The following PTGER3 variants were observed in gnomAD, a reference collection of about 807,000 sequenced individuals.
The protein encoded by PTGER3 is prostaglandin E receptor 3, also known as prostaglandin E2 receptor EP3 subtype.
In PTGER3, 22 loss-of-function variants were observed where a neutral mutation model predicts 34.7. That is an observed-to-expected ratio of 0.63 (90% confidence interval 0.45 to 0.91). PTGER3 has a LOEUF of 0.91. Ranked by LOEUF, PTGER3 falls within the 40% of genes least tolerant of loss-of-function variation. The pLI is 0.00. For missense variants in PTGER3, 468 were observed against 519.4 expected, an observed-to-expected ratio of 0.90 and a Z score of 0.96; for synonymous variants, 241 against 230.1, an observed-to-expected ratio of 1.05 and a Z score of -0.43.
intron 4 of PTGER3, among the ~76,000 whole-genome samples, chr1:70,859,205 A>C (rs1291634240): frequency 6.6e-6 from 1 of 152,248 alleles, no homozygotes; most frequent in Admixed American, 6.5e-5. Context: ...TTACTTCCAT[A>C]AATTATTCCT....
chr1:71,024,829 C>T (rs1035646036), intron 1 of PTGER3, among the ~76,000 whole-genome samples: 1 of 151,064 alleles, frequency 6.6e-6, no homozygotes, highest in Non-Finnish European at 1.5e-5. Context: ...TGCTGGGATT[C>T]CAGTCATGAG....
intron 4 of PTGER3, among the ~76,000 whole-genome samples, chr1:70,942,595 A>G (rs539135071): frequency 6.6e-6 from 1 of 152,112 alleles, no homozygotes; most frequent in Non-Finnish European, 1.5e-5. Flanking sequence ...TGGGTCAAGC[A>G]ACACTACTCT....
At chr1:71,041,776 T>G (rs1472884914) in intron 1 of PTGER3, among the ~76,000 whole-genome samples, 1 of 152,034 alleles carries the variant, frequency 6.6e-6, no homozygotes, top group Non-Finnish European at 1.5e-5. Context: ...GAGGCATGAA[T>G]GAGATAAATG....
chr1:70,878,362 T>G (rs1190614053), intron 4 of PTGER3, among the ~76,000 whole-genome samples: 2 of 151,994 alleles, frequency 1.3e-5, no homozygotes. Flanking sequence ...TCTTCTTTCC[T>G]TTTTTCTTTA....
intron 1 of PTGER3, among the ~76,000 whole-genome samples, chr1:71,017,951 G>A (rs560377927): frequency 2.0e-5 from 3 of 152,290 alleles, no homozygotes; most frequent in South Asian, 2.1e-4. Context: ...TTTTAGTAGA[G>A]ATGGGGTTTC....
intron 2 of PTGER3, among the ~76,000 whole-genome samples, chr1:70,963,301 G>A (rs1053019590): frequency 6.6e-5 from 10 of 152,054 alleles, no homozygotes; most frequent in Non-Finnish European, 1.2e-4. Flanking sequence ...CCACATTCTG[G>A]GGTCTGCAGG....
chr1:71,027,980 G>A (rs1406843300), intron 1 of PTGER3, among the ~76,000 whole-genome samples: 1 of 152,120 alleles, frequency 6.6e-6, no homozygotes, highest in African/African-American at 2.4e-5. Flanking sequence ...ATAGATGAAA[G>A]TTTAGTGCTT....
intron 3 of PTGER3, among the ~76,000 whole-genome samples, chr1:70,973,466 C>T (rs915857988): frequency 2.6e-5 from 4 of 152,060 alleles, no homozygotes; most frequent in African/African-American, 9.7e-5. Flanking sequence ...GAAAAATTCT[C>T]TCAGTTCCCT....
At chr1:71,026,795 C>T (rs1658964019) in intron 1 of PTGER3, among the ~76,000 whole-genome samples, 1 of 151,982 alleles carries the variant, frequency 6.6e-6, no homozygotes, top group Non-Finnish European at 1.5e-5. Flanking sequence ...AAATGGACCC[C>T]CATCTTTTAT....
intron 2 of PTGER3, among the ~76,000 whole-genome samples, chr1:70,996,812 C>A (rs912404110): frequency 1.3e-5 from 2 of 152,038 alleles, no homozygotes; most frequent in Non-Finnish European, 2.9e-5. Context: ...TACAGGCGCC[C>A]GCCACCGCGC....
At chr1:70,971,762 T>A in intron 3 of PTGER3, 29 bp from the exon 4 acceptor site, 1 of 1,437,932 alleles carries the variant, frequency 7.0e-7, no homozygotes, top group Admixed American at 1.9e-5. Context: ...AAAGATGCAA[T>A]AAGCATGGAT....
At chr1:71,034,729 G>T (rs1413429062) in intron 1 of PTGER3, among the ~76,000 whole-genome samples, 1 of 152,180 alleles carries the variant, frequency 6.6e-6, no homozygotes, top group African/African-American at 2.4e-5. Context: ...CTAATACAAA[G>T]AACAGCTCAA....
chr1:71,045,908 G>A (rs1660736074), intron 1 of PTGER3, among the ~76,000 whole-genome samples: 1 of 151,852 alleles, frequency 6.6e-6, no homozygotes, highest in Admixed American at 6.6e-5. Flanking sequence ...CCCATAGGTC[G>A]CGCAGTCTTT....
At chr1:70,988,479 G>A (rs978091285) in intron 2 of PTGER3, among the ~76,000 whole-genome samples, 1 of 152,156 alleles carries the variant, frequency 6.6e-6, no homozygotes, top group Admixed American at 6.5e-5. Flanking sequence ...GAGCAGAAGT[G>A]ATGAGACTTC....
intron 4 of PTGER3, among the ~76,000 whole-genome samples, chr1:70,903,542 C>A (rs921768872): frequency 2.6e-5 from 4 of 152,146 alleles, no homozygotes; most frequent in Non-Finnish European, 5.9e-5. Flanking sequence ...AATAAAATCA[C>A]CTTCTTAAGT....
chr1:70,921,539 T>C (rs911976412), intron 4 of PTGER3, among the ~76,000 whole-genome samples: 9 of 152,080 alleles, frequency 5.9e-5, no homozygotes, highest in African/African-American at 2.2e-4. Flanking sequence ...TGTTCTGTCA[T>C]AATAAGGCAT....
intron 2 of PTGER3, chr1:71,011,378 C>T (rs1657427101): frequency 8.1e-6 from 8 of 985,086 alleles, no homozygotes; most frequent in Non-Finnish European, 9.6e-6. Context: ...GACTGGGGAA[C>T]ACTTTTGGTG....
intron 4 of PTGER3, among the ~76,000 whole-genome samples, chr1:70,904,321 C>T (rs1044573483): frequency 3.3e-5 from 5 of 152,042 alleles, no homozygotes; most frequent in Non-Finnish European, 5.9e-5. Flanking sequence ...GTAATTGGTA[C>T]CAGTAGAGTT....
chr1:71,046,579 G>T (rs1052825869), intron 1 of PTGER3, 102 bp downstream of exon 1: 2 of 1,372,122 alleles, frequency 1.5e-6, no homozygotes, highest in South Asian at 1.5e-5. Flanking sequence ...AGCGCTCTGC[G>T]GTTGCAAACA....
Sources: allele counts gnomAD v4.1 joint callset (sites outside exome capture counted in the v4.1 genomes callset), GRCh38; gene constraint gnomAD v4.1.1; transcripts MANE v1.5; gene names NCBI Gene and HGNC (gene_info 2026-07-23, HGNC 2026-07-21).